Variants in NIPAL2 observed in about 807,000 individuals in gnomAD.
NIPAL2 encodes NIPA like domain containing 2.
Under a neutral mutation model 48.9 loss-of-function variants are expected in NIPAL2, and 43 were observed. The ratio of observed to expected loss-of-function variants is 0.88; its 90% CI spans 0.69 to 1.13. The LOEUF (loss-of-function observed/expected upper bound fraction) is 1.13, where lower values mean the gene tolerates loss of function less well. Ranked by LOEUF, NIPAL2 falls within the 50% of genes most tolerant of loss-of-function variation. The pLI, the probability that NIPAL2 is intolerant of heterozygous loss-of-function variation, is 0.00. For synonymous variants in NIPAL2, 167 were observed against 174.6 expected (o/e 0.96, Z 0.34); for missense variants, 446 against 461.4 (o/e 0.97, Z 0.31).
chr8:98,252,484 A>G lies in NIPAL2; in HGVS notation c.355T>C (p.Leu119=). The G allele has an allele frequency of 6.2e-7, 1 of 1,613,060 alleles. No individual in the cohort carries two copies. Among genetic ancestry groups the G allele is most frequent in the Non-Finnish European group, 8.5e-7 (1 of 1,179,656 alleles). Residue 119 remains leucine (L), a synonymous_variant, in exon 3 of 11, where the codon TTA becomes CTA. Transcript: ENST00000430223. ...TTACCTGTAACAGACACACAGCCTA[A>G]CGGAGCGATCAGAGTAATGGGAGCA... ...GFAPITLIAP[L]GCVSVTGSAI... is the part of the protein sequence containing the mutation.
At chr8:98,280,770 A>AGAGAGAGAGAGG (rs1815778657) in intron 1 of NIPAL2, among the ~76,000 whole-genome samples, 1 of 139,202 alleles carries the variant, frequency 7.2e-6, no homozygotes, top group Non-Finnish European at 1.6e-5. Flanking sequence ...ATAGAGAGAG[A>AGAGAGAGAGAGG]GAGAGAGAGA....
Position 98,252,586 on chromosome 8 carries a change from A to T in NIPAL2, c.253T>A (p.Phe85Ile), listed in dbSNP as rs1443802275. The change falls in exon 3 of 11, where the codon TTC (phenylalanine) becomes ATC (isoleucine). Residue 85 changes from phenylalanine to isoleucine, a missense_variant. By Grantham distance (21) the Phe-to-Ile change is conservative (BLOSUM62 0). Transcript: ENST00000430223. Reference sequence around the variant, plus strand: ...CCACCCCACCACAGCACACTCTTGAAGTATGGCCTTGGGTGCTCTTGTTGT... The same window carrying T: ...CCACCCCACCACAGCACACTCTTGATGTATGGCCTTGGGTGCTCTTGTTGT... ...LAQQEHPRPY[F>I]KSVLWWGGVL... 6.2e-7 allele frequency: 1 copy of T among 1,614,000 alleles called. No individual in the cohort carries two copies. The highest frequency in any genetic ancestry group is 8.5e-7 in the Non-Finnish European group (1 of 1,180,010).
chr8:98,238,572 C>T (rs1412562371), intron 3 of NIPAL2, among the ~76,000 whole-genome samples: 6 of 151,768 alleles, frequency 4.0e-5, no homozygotes, highest in Non-Finnish European at 8.8e-5. Flanking sequence ...ACACCAGAAA[C>T]CCTCATGCAG....
intron 3 of NIPAL2, among the ~76,000 whole-genome samples, chr8:98,251,376 A>T (rs1813575710): frequency 6.6e-6 from 1 of 152,184 alleles, no homozygotes; most frequent in Admixed American, 6.6e-5. Flanking sequence ...TGTACATGTT[A>T]GTGGTTTACT....
intron 4 of NIPAL2, among the ~76,000 whole-genome samples, chr8:98,226,214 CT>C (rs1307120014): frequency 6.6e-6 from 1 of 152,106 alleles, no homozygotes; most frequent in Non-Finnish European, 1.5e-5. Context: ...GGATTGGCCC[CT>C]GGTGACTTAT....
At chr8:98,245,940 A>C (rs1395544421) in intron 3 of NIPAL2, among the ~76,000 whole-genome samples, 1 of 152,216 alleles carries the variant, frequency 6.6e-6, no homozygotes, top group African/African-American at 2.4e-5. Context: ...GCATATCTTG[A>C]ACATTAAAAT....
At chr8:98,280,761 T>TATATAG in intron 1 of NIPAL2, among the ~76,000 whole-genome samples, 80 of 30,024 alleles carry the variant, frequency 2.7e-3, no homozygotes, top group Middle Eastern at 0.04. Flanking sequence ...TATATATATA[T>TATATAG]AGAGAGAGAG....
At chr8:98,225,189 A>G (rs141470044) in intron 4 of NIPAL2, among the ~76,000 whole-genome samples, 4 of 152,294 alleles carry the variant, frequency 2.6e-5, no homozygotes, top group African/African-American at 9.6e-5. Flanking sequence ...TATTTCAGCT[A>G]TCTGCAATAA....
At chr8:98,205,476 G>GT (rs1455822763) in intron 6 of NIPAL2, among the ~76,000 whole-genome samples, 119 of 148,188 alleles carry the variant, frequency 8.0e-4, no homozygotes, top group Middle Eastern at 3.4e-3. Flanking sequence ...GTGTGACTGT[G>GT]TGTTTTTTTT....
chr8:98,246,086 T>C (rs1372121098), intron 3 of NIPAL2, among the ~76,000 whole-genome samples: 1 of 152,226 alleles, frequency 6.6e-6, no homozygotes, highest in African/African-American at 2.4e-5. Flanking sequence ...TGTGTAACGC[T>C]ATGGGTCACT....
intron 5 of NIPAL2, among the ~76,000 whole-genome samples, chr8:98,214,556 T>C (rs1242321282): frequency 6.7e-6 from 1 of 148,306 alleles, no homozygotes; most frequent in Non-Finnish European, 1.5e-5. Flanking sequence ...CATCACTAAT[T>C]TTTTTTCTTT....
chr8:98,210,120 C>T (rs1353480516), intron 6 of NIPAL2, among the ~76,000 whole-genome samples: 2 of 151,532 alleles, frequency 1.3e-5, no homozygotes, highest in East Asian at 3.9e-4. Flanking sequence ...TTACTTTTCT[C>T]TTTTCTATTT....
intron 5 of NIPAL2, among the ~76,000 whole-genome samples, chr8:98,221,506 A>G (rs558321504): frequency 6.6e-6 from 1 of 152,102 alleles, no homozygotes; most frequent in African/African-American, 2.4e-5. Flanking sequence ...GTAAATGAAT[A>G]TGGAAATTTT....
chr8:98,243,677 T>C (rs1281367884), intron 3 of NIPAL2, among the ~76,000 whole-genome samples: 2 of 152,188 alleles, frequency 1.3e-5, no homozygotes, highest in African/African-American at 4.8e-5. Context: ...TGTAAATACT[T>C]GGTTTGAGGT....
intron 4 of NIPAL2, among the ~76,000 whole-genome samples, chr8:98,224,437 G>A (rs1215524279): frequency 6.6e-6 from 1 of 150,962 alleles, no homozygotes; most frequent in Non-Finnish European, 1.5e-5. Context: ...ATCAGTAAAT[G>A]CAGGGTGGCT....
At chr8:98,237,474 C>A (rs73283763) in intron 3 of NIPAL2, among the ~76,000 whole-genome samples, 7,267 of 152,086 alleles carry the variant, frequency 0.048, 549 homozygotes, top group African/African-American at 0.17. Flanking sequence ...CCCATTTCCC[C>A]CTTTTCCCCT....
At chr8:98,276,972 G>A (rs935366045) in intron 1 of NIPAL2, among the ~76,000 whole-genome samples, 16 of 151,842 alleles carry the variant, frequency 1.1e-4, no homozygotes, top group Non-Finnish European at 1.8e-4. Flanking sequence ...GTTTCACCCT[G>A]TTGGCCAGGC....
chr8:98,196,789 G>T (rs1810572793), intron 8 of NIPAL2, among the ~76,000 whole-genome samples: 1 of 152,186 alleles, frequency 6.6e-6, no homozygotes, highest in South Asian at 2.1e-4. Flanking sequence ...AACGTCTGCT[G>T]TGCGTCAGCC....
chr8:98,288,503 G>A (rs373887165), intron 1 of NIPAL2, among the ~76,000 whole-genome samples: 7,678 of 151,646 alleles, frequency 0.051, 473 homozygotes, highest in African/African-American at 0.14. Context: ...ATAAACATAC[G>A]TGTGCATGTG....
Sources: allele counts gnomAD v4.1 joint callset (sites outside exome capture counted in the v4.1 genomes callset), GRCh38; gene constraint gnomAD v4.1.1; transcripts MANE v1.5; gene names NCBI Gene and HGNC (gene_info 2026-07-23, HGNC 2026-07-21).